The following ACAT2 variants were observed in gnomAD, a reference collection of about 807,000 sequenced individuals.
The protein encoded by ACAT2 is acetyl-CoA acetyltransferase, cytosolic.
ACAT2 carries 26 observed loss-of-function variants against 37.1 expected under a neutral mutation model. That is an observed-to-expected ratio of 0.70 (90% CI 0.51 to 0.97). ACAT2 has a LOEUF of 0.97. ACAT2 is among the 50% of genes least tolerant of loss of function. The pLI, the probability that ACAT2 is intolerant of heterozygous loss-of-function variation, is 0.00. For synonymous variants in ACAT2, 156 were observed against 163.6 expected (o/e 0.95, Z 0.35); for missense variants, 468 against 489.0 (o/e 0.96, Z 0.40).
At chr6:159,774,924 A>C (rs1780389734) in intron 4 of ACAT2, among the ~76,000 whole-genome samples, 1 of 152,196 alleles carries the variant, frequency 6.6e-6, no homozygotes. Flanking sequence ...GGGTGAAGGA[A>C]ATTTCTGTAA....
chr6:159,777,431 G>A lies in ACAT2; in HGVS notation c.887G>A (p.Gly296Glu). Residue 296 changes from glycine (G) to glutamate (E), a missense_variant, in exon 7 of 9, where the codon GGA becomes GAA. By Grantham distance (98) the Gly-to-Glu change is moderately conservative. Coordinates refer to ENST00000367048, the MANE Select transcript of ACAT2 (RefSeq NM_005891.3). ...GTGGAGCCTTCCATTATGGGAATAG[G>A]ACCAATTCCAGCCATAAAGCAAGCT... Reference protein sequence around the residue: ...VGVEPSIMGIGPIPAIKQAVT... With the variant: ...VGVEPSIMGIEPIPAIKQAVT... The A allele has an allele frequency of 1.2e-6, 2 of 1,613,634 alleles. No homozygotes were observed. Among genetic ancestry groups the A allele is most frequent in the Non-Finnish European group, 1.7e-6 (2 of 1,179,910 alleles).
chr6:159,764,797 C>G (rs374492583), intron 2 of ACAT2, among the ~76,000 whole-genome samples: 11 of 152,168 alleles, frequency 7.2e-5, no homozygotes, highest in East Asian at 5.8e-4. Flanking sequence ...TTCATTACCT[C>G]ATTTAATCTT....
rs555573176 is a variant in ACAT2 at position 159,773,366 on chromosome 6, C to G, written c.491-1804C>G. On this transcript the variant is annotated intron_variant, in intron 4 of 8. Coordinates refer to ENST00000367048, the MANE Select transcript of ACAT2 (RefSeq NM_005891.3). ...TGACAAACCAGTAACAACAAGCAGT[C>G]CTGACACCCAGATCTTCTAAATACA... 1.3e-4 allele frequency among the ~76,000 whole-genome samples: 20 copies of G among 152,238 alleles called. No individual in the cohort carries two copies. In the East Asian group the frequency reaches 3.9e-3, roughly 29 times the overall value.
chr6:159,777,488 T>G (rs1554268347), intron 7 of ACAT2, 32 bp downstream of exon 7: 1 of 1,593,176 alleles, frequency 6.3e-7, no homozygotes, highest in East Asian at 2.2e-5. Context: ...TTTATGAAAT[T>G]TGTCTTCCTG....
intron 2 of ACAT2, among the ~76,000 whole-genome samples, chr6:159,763,391 AAAAAT>A (rs1283222736): frequency 1.4e-4 from 21 of 152,052 alleles, no homozygotes; most frequent in Non-Finnish European, 3.1e-4. Flanking sequence ...CGTCTCTACA[AAAAAT>A]AAAATAGCCA....
chr6:159,778,881 A>AG lies in ACAT2; in HGVS notation c.*54dup, dbSNP rs765228365. 2 of 1,607,884 alleles carry AG rather than the reference A, an allele frequency of 1.2e-6. No homozygotes were observed. The highest frequency in any genetic ancestry group is 3.4e-5 in the Admixed American group (2 of 59,596). On this transcript the variant is annotated 3_prime_UTR_variant, in exon 9 of 9. Coordinates refer to ENST00000367048, the MANE Select transcript of ACAT2 (RefSeq NM_005891.3). ...TTTCTTTTTAAACTAATAAAGTACTAGGTTGCAATATGTGAAATCAGAGGA... is the reference window on the plus strand; with the variant it reads ...TTTCTTTTTAAACTAATAAAGTACTAGGGTTGCAATATGTGAAATCAGAGGA...
At chr6:159,777,712 A>G (rs574973880) in intron 7 of ACAT2, among the ~76,000 whole-genome samples, 63 of 150,276 alleles carry the variant, frequency 4.2e-4, no homozygotes, top group African/African-American at 1.5e-3. Context: ...CTACAGGTGC[A>G]CCACGCCTTC....
At chr6:159,766,012 T>C (rs1253608009) in intron 2 of ACAT2, among the ~76,000 whole-genome samples, 2 of 152,226 alleles carry the variant, frequency 1.3e-5, no homozygotes, top group African/African-American at 2.4e-5. Flanking sequence ...ACAATGGCGA[T>C]TGAGAATATT....
intron 5 of ACAT2, chr6:159,775,519 C>G: frequency 1.8e-6 from 1 of 558,536 alleles, no homozygotes; most frequent in African/African-American, 1.9e-5. Context: ...CACTCAAGCA[C>G]TCTTGGTTCC....
At chr6:159,767,766 A>G (rs557664083) in intron 3 of ACAT2, among the ~76,000 whole-genome samples, 1 of 152,324 alleles carries the variant, frequency 6.6e-6, no homozygotes, top group East Asian at 1.9e-4. Context: ...CAGATTCCCT[A>G]GATAGAAGCT....
chr6:159,769,129 A>C (rs1780298517), intron 4 of ACAT2, among the ~76,000 whole-genome samples: 1 of 152,388 alleles, frequency 6.6e-6, no homozygotes, highest in African/African-American at 2.4e-5. Flanking sequence ...TGAGAAGTTA[A>C]GCACCTTGCT....
chr6:159,762,404 G>A, intron 1 of ACAT2: 2 of 1,377,264 alleles, frequency 1.5e-6, no homozygotes, highest in Non-Finnish European at 1.9e-6. Flanking sequence ...CGCGTGGCCT[G>A]CCTCTCCCAT....
intron 4 of ACAT2, among the ~76,000 whole-genome samples, chr6:159,770,011 G>A (rs1780311280): frequency 6.6e-6 from 1 of 152,140 alleles, no homozygotes; most frequent in South Asian, 2.1e-4. Context: ...AAACCTTACT[G>A]AACTCCTTGG....
Position 159,767,051 on chromosome 6 carries a change from T to C in ACAT2, c.237T>C (p.Ile79=). Residue 79 remains isoleucine (I), a synonymous_variant, in exon 3 of 9, where the codon ATT becomes ATC. Transcript: ENST00000367048. ...GACAAGCCAGTGTGGGTGCAGGAAT[T>C]CCCTACTCTGTTCCAGCATGGAGCT... ...PVRQASVGAG[I]PYSVPAWSCQ... is the part of the protein sequence containing the mutation. The C allele has an allele frequency of 6.2e-7, 1 of 1,614,136 alleles. No individual in the cohort carries two copies. The highest frequency in any genetic ancestry group is 8.5e-7 in the Non-Finnish European group (1 of 1,179,976).
At chr6:159,773,406 G>A (rs1780368056) in intron 4 of ACAT2, among the ~76,000 whole-genome samples, 1 of 152,274 alleles carries the variant, frequency 6.6e-6, no homozygotes, top group East Asian at 1.9e-4. Flanking sequence ...TCCACTAAAA[G>A]GAACTAAGGT....
At chr6:159,763,781 A>AGGC (rs1464430391) in intron 2 of ACAT2, among the ~76,000 whole-genome samples, 5 of 149,284 alleles carry the variant, frequency 3.3e-5, no homozygotes, top group African/African-American at 4.9e-5. Context: ...CTGGGACTAC[A>AGGC]GGCGGCCCAC....
chr6:159,764,098 C>G (rs941071665), intron 2 of ACAT2, among the ~76,000 whole-genome samples: 2 of 151,800 alleles, frequency 1.3e-5, no homozygotes, highest in Non-Finnish European at 2.9e-5. Context: ...GAGTGAGACT[C>G]CTTTTAAAAA....
At chr6:159,766,508 TCTC>T (rs1780258527) in intron 2 of ACAT2, among the ~76,000 whole-genome samples, 1 of 152,088 alleles carries the variant, frequency 6.6e-6, no homozygotes, top group South Asian at 2.1e-4. Flanking sequence ...TTCAAGCAAT[TCTC>T]CTGCCTCAGC....
Position 159,776,136 on chromosome 6 carries a change from T to C in ACAT2, c.635-14T>C. On this transcript the variant is annotated splice_polypyrimidine_tract_variant and intron_variant, in intron 5 of 8. Transcript: ENST00000367048. Reference sequence around the variant, plus strand: ...TCTGGACTAATCTTGAGTAATTGGTTTTCCTTTGCTTAGGTCTTATTGAAG... The same window carrying C: ...TCTGGACTAATCTTGAGTAATTGGTCTTCCTTTGCTTAGGTCTTATTGAAG... 1.2e-6 allele frequency: 2 copies of C among 1,612,576 alleles called. No homozygotes were observed. The highest frequency in any genetic ancestry group is 2.2e-5 in the South Asian group (2 of 90,760).
Sources: allele counts gnomAD v4.1 joint callset (sites outside exome capture counted in the v4.1 genomes callset), GRCh38; gene constraint gnomAD v4.1.1; transcripts MANE v1.5; gene names NCBI Gene and HGNC (gene_info 2026-07-23, HGNC 2026-07-21).